The following SRRM4 variants were observed in gnomAD, a reference collection of about 807,000 sequenced individuals.
SRRM4 encodes the protein serine/arginine repetitive matrix protein 4.
A neutral mutation model predicts 68.9 loss-of-function variants in SRRM4; 33 were observed. That is an observed-to-expected ratio of 0.48 (90% CI 0.36 to 0.64). SRRM4 has a LOEUF of 0.64. Ranked by LOEUF, SRRM4 falls within the 30% of genes least tolerant of loss-of-function variation. The pLI is 0.00. For missense variants in SRRM4, 817 were observed against 827.1 expected, an observed-to-expected ratio of 0.99 and a Z score of 0.15; for synonymous variants, 318 against 318.8, an observed-to-expected ratio of 1.00 and a Z score of 0.03.
Position 119,148,956 on chromosome 12 carries a change from G to A in SRRM4, c.1077-2061G>A, listed in dbSNP as rs192911809. 3.8e-4 allele frequency among the ~76,000 whole-genome samples: 58 copies of A among 152,284 alleles called. No homozygotes were observed. The East Asian group carries it at 0.011, about 29-fold the overall frequency. On this transcript the variant is annotated intron_variant, in intron 9 of 12. Transcript: ENST00000267260. Reference sequence around the variant, plus strand: ...GTAGGGAGCTGGTGAGGTGGGAGGGGTGGGGACTCTGGAGCTGCACAGATC... The same window carrying A: ...GTAGGGAGCTGGTGAGGTGGGAGGGATGGGGACTCTGGAGCTGCACAGATC...
At chr12:119,084,643 C>A (rs929507808) in intron 1 of SRRM4, among the ~76,000 whole-genome samples, 1 of 152,048 alleles carries the variant, frequency 6.6e-6, no homozygotes, top group Admixed American at 6.5e-5. Flanking sequence ...GGATGGAGGG[C>A]CCATCATTTT....
intron 7 of SRRM4, among the ~76,000 whole-genome samples, chr12:119,129,222 G>C (rs1218301047): frequency 8.8e-6 from 1 of 113,594 alleles, no homozygotes; most frequent in African/African-American, 3.1e-5. Flanking sequence ...GGAAAACTGT[G>C]AAACTGCTTC....
At chr12:119,127,265 T>G (rs1377934064) in intron 7 of SRRM4, among the ~76,000 whole-genome samples, 1 of 152,276 alleles carries the variant, frequency 6.6e-6, no homozygotes, top group East Asian at 1.9e-4. Context: ...TTGGAATCGT[T>G]GATGTTCAAT....
intron 1 of SRRM4, among the ~76,000 whole-genome samples, chr12:119,060,314 G>A (rs980008739): frequency 1.7e-4 from 26 of 150,894 alleles, no homozygotes; most frequent in African/African-American, 5.8e-4. Context: ...GTGTCCAGGA[G>A]AGCCATGGAT....
chr12:119,154,495 G>C lies in SRRM4; in HGVS notation c.1532+112G>C. ...CTCCTTGGGGCTGGGATTTAGGATT[G>C]TGCGAGCTTATGGTCCCCCCAACCC... On this transcript the variant is annotated intron_variant, in intron 12 of 12. Coordinates refer to ENST00000267260, the MANE Select transcript of SRRM4 (RefSeq NM_194286.4). The surrounding 1 kb of genome is among the most constrained non-coding windows in gnomAD (Gnocchi z 4.7). 4 of 1,279,152 alleles carry C rather than the reference G, an allele frequency of 3.1e-6. No individual in the cohort carries two copies. In the South Asian group the frequency reaches 5.6e-5, roughly 18 times the overall value. The allele number at this position is 1,279,152 out of a possible 1,614,324, so 79.2% of individuals were successfully genotyped here. A position where few individuals can be genotyped will look rare whatever the true frequency, so the allele number is the denominator to read the frequency against.
chr12:119,151,179 C>T lies in SRRM4; in HGVS notation c.1239C>T (p.Ser413=). 1 of 1,613,998 alleles carries T rather than the reference C, an allele frequency of 6.2e-7. No homozygotes were observed. The highest frequency in any genetic ancestry group is 8.5e-7 in the Non-Finnish European group (1 of 1,179,890). The change falls in exon 10 of 13, where the codon TCC becomes TCT. Residue 413 remains serine, a synonymous_variant. Coordinates refer to ENST00000267260, the MANE Select transcript of SRRM4 (RefSeq NM_194286.4). Reference sequence around the variant, plus strand: ...CCCGATCCCCAAATCCCAGGGCTTCCCCCAGGTACACCCAAAGCCGATCCA... The same window carrying T: ...CCCGATCCCCAAATCCCAGGGCTTCTCCCAGGTACACCCAAAGCCGATCCA... The part of the protein sequence containing the change: ...HSSRSPNPRA[S]PRYTQSRSTS...
rs2136071948 is a variant in SRRM4, at chr12:119,157,956, A to G, written c.*1158A>G. 1 of 152,794 alleles carries G rather than the reference A, an allele frequency of 6.5e-6. No homozygotes were observed. Among genetic ancestry groups the G allele is most frequent in the East Asian group, 1.9e-4 (1 of 5,178 alleles). 9.5% of individuals were successfully genotyped at this position (152,794 alleles called of 1,614,324 possible). A position where few individuals can be genotyped will look rare whatever the true frequency, so the allele number is the denominator to read the frequency against. On this transcript the variant is annotated 3_prime_UTR_variant, in exon 13 of 13. Coordinates refer to ENST00000267260, the MANE Select transcript of SRRM4 (RefSeq NM_194286.4). This position sits in a 1 kb window ranked among gnomAD's most constrained non-coding sequence, Gnocchi z 4.1. ...AAGACCCGAATCCAGAGTGCAGGGG[A>G]GAGGGGCTTGGATATGCCATGTCTT...
chr12:119,124,816 C>CA (rs980718478), intron 6 of SRRM4, among the ~76,000 whole-genome samples: 3 of 150,924 alleles, frequency 2.0e-5, no homozygotes, highest in African/African-American at 7.4e-5. Context: ...TTCATTTGCC[C>CA]AAAAAGGTGC....
At chr12:118,990,168 C>T (rs1004676112) in intron 1 of SRRM4, among the ~76,000 whole-genome samples, 1 of 152,176 alleles carries the variant, frequency 6.6e-6, no homozygotes, top group Non-Finnish European at 1.5e-5. Context: ...GATCTGCTCA[C>T]AGACACATGG....
In SRRM4 at chr12:119,151,113, C is replaced by A; in HGVS notation, c.1173C>A (p.Arg391=). ...GCTCACCCATGAAAGGGTGTTCCCG[C>A]AGCTCCTCCTATGCCAGCACCCGAT... ...ARSSPMKGCS[R]SSSYASTRSS... The change falls in exon 10 of 13, where the codon CGC becomes CGA. Residue 391 remains arginine, a synonymous_variant. Transcript: ENST00000267260. 6.2e-7 allele frequency: 1 copy of A among 1,614,028 alleles called. No homozygotes were observed. The highest frequency in any genetic ancestry group is 1.1e-5 in the South Asian group (1 of 91,088).
intron 1 of SRRM4, among the ~76,000 whole-genome samples, chr12:119,070,561 T>C (rs1953872271): frequency 6.6e-6 from 1 of 152,068 alleles, no homozygotes; most frequent in African/African-American, 2.4e-5. Flanking sequence ...ATCTGTCTAA[T>C]ATGGGGAGGT....
intron 1 of SRRM4, among the ~76,000 whole-genome samples, chr12:119,035,033 A>G (rs1341208010): frequency 6.6e-6 from 1 of 152,150 alleles, no homozygotes; most frequent in East Asian, 1.9e-4. Context: ...GTCTCTCACT[A>G]TATGAACTAT....
intron 3 of SRRM4, among the ~76,000 whole-genome samples, chr12:119,115,932 G>T (rs555850891): frequency 2.6e-4 from 40 of 152,116 alleles, no homozygotes; most frequent in Non-Finnish European, 4.6e-4. Context: ...ATATGAAAAT[G>T]TGGAGTTTTG....
chr12:119,111,027 A>T (rs1487362316), intron 2 of SRRM4, among the ~76,000 whole-genome samples: 1 of 152,198 alleles, frequency 6.6e-6, no homozygotes, highest in East Asian at 1.9e-4. Context: ...TTAACCACTG[A>T]ATAGTTAACC....
intron 1 of SRRM4, chr12:119,069,813 T>C (rs530851114): frequency 1.1e-4 from 16 of 152,332 alleles, no homozygotes; most frequent in African/African-American, 3.6e-4. Flanking sequence ...CTATGGCTCA[T>C]GGCAAGCGTA....
At chr12:118,983,100 A>G (rs559469642) in intron 1 of SRRM4, among the ~76,000 whole-genome samples, 2 of 152,318 alleles carry the variant, frequency 1.3e-5, no homozygotes, top group Non-Finnish European at 2.9e-5. Flanking sequence ...CATGTCTGCA[A>G]AAGTGCTTAG....
intron 1 of SRRM4, among the ~76,000 whole-genome samples, chr12:118,995,196 C>T (rs1210098695): frequency 6.6e-6 from 1 of 152,210 alleles, no homozygotes; most frequent in Admixed American, 6.5e-5. Flanking sequence ...ATCTGCTCAA[C>T]TGCTTTTTGA....
intron 1 of SRRM4, among the ~76,000 whole-genome samples, chr12:119,069,990 G>A (rs1953867868): frequency 6.6e-6 from 1 of 152,140 alleles, no homozygotes; most frequent in Non-Finnish European, 1.5e-5. Flanking sequence ...GTGAATTGCG[G>A]GGAGGTGTTA....
chr12:119,060,134 G>T (rs1953801557), intron 1 of SRRM4, among the ~76,000 whole-genome samples: 1 of 151,950 alleles, frequency 6.6e-6, no homozygotes, highest in South Asian at 2.1e-4. Flanking sequence ...GTAATTAGAG[G>T]CTCTTTCGGC....
Sources: allele counts gnomAD v4.1 joint callset (sites outside exome capture counted in the v4.1 genomes callset), GRCh38; gene constraint gnomAD v4.1.1; non-coding constraint Gnocchi (gnomAD v3.1); transcripts MANE v1.5; gene names NCBI Gene and HGNC (gene_info 2026-07-23, HGNC 2026-07-21).